DENND2B: variants seen among roughly 807,000 people sequenced by gnomAD.
DENND2B encodes DENN domain containing 2B.
In DENND2B, 32 loss-of-function variants were observed where a neutral mutation model predicts 116.0. The ratio of observed to expected loss-of-function variants is 0.28; its 90% confidence interval spans 0.21 to 0.37. DENND2B has a LOEUF of 0.37. DENND2B is among the 10% of genes least tolerant of loss of function. DENND2B has a pLI of 1.00. For missense variants in DENND2B, 1,276 were observed against 1,477.7 expected (o/e 0.86, Z 2.24); for synonymous variants, 588 against 583.9 (o/e 1.01, Z -0.10).
intron 2 of DENND2B, among the ~76,000 whole-genome samples, chr11:8,867,573 C>CTTTTTTTTTTTTTTTTTTTT (rs33990941): frequency 1.1e-5 from 1 of 89,230 alleles, no homozygotes; most frequent in Admixed American, 1.8e-4. Context: ...TAAAATTCAG[C>CTTTTTTTTTTTTTTTTTTTT]TTTTTTTTTT....
At chr11:8,719,728 A>C (rs1426405835) in intron 4 of DENND2B, among the ~76,000 whole-genome samples, 4 of 152,220 alleles carry the variant, frequency 2.6e-5, no homozygotes, top group African/African-American at 9.6e-5. Flanking sequence ...GGGGGAACTA[A>C]GAAGGGAGAA....
Position 8,846,292 on chromosome 11 carries a change from G to C in DENND2B, c.-155-6942C>G, listed in dbSNP as rs562099627. The stretch of plus-strand genomic sequence containing the variant: ...GAAGAAGGCTGAGTGTGGTATGAAG[G>C]AATAAATACTCAAGAAGCTGGTAAG... On this transcript the variant is annotated intron_variant, in intron 3 of 6. Coordinates refer to the DENND2B transcript ENST00000524757. Among the ~76,000 whole-genome samples the C allele has an allele frequency of 2.0e-5, 3 of 152,188 alleles. No homozygotes were observed. In the South Asian group the frequency reaches 6.2e-4, roughly 32 times the overall value.
chr11:8,879,007 A>G (rs2063874157), intron 2 of DENND2B, among the ~76,000 whole-genome samples: 1 of 152,256 alleles, frequency 6.6e-6, no homozygotes, highest in African/African-American at 2.4e-5. Context: ...ACTGAATTAT[A>G]CACTTTAAAA....
intron 8 of DENND2B, among the ~76,000 whole-genome samples, chr11:8,713,774 A>C (rs2044216240): frequency 6.6e-6 from 1 of 152,216 alleles, no homozygotes; most frequent in South Asian, 2.1e-4. Context: ...TACATTTGGC[A>C]AAGGGAGACA....
rs529731143 is a variant in DENND2B, at chr11:8,730,392, G to C, written c.898C>G (p.Leu300Val). Reference protein sequence around the residue: ...QVLKEQPGRGLPQLPSSCYSV... With the variant: ...QVLKEQPGRGVPQLPSSCYSV... ...TAGCAGCTGCTGGGGAGCTGGGGGA[G>C]CCCCCGGCCCGGCTGCTCCTTCAGG... is the stretch of plus-strand genomic sequence containing the variant. Residue 300 changes from leucine to valine, a missense_variant, in exon 3 of 20, where the codon CTC becomes GTC. Leu to Val is a conservative substitution (Grantham distance 32). Around this residue, in one of 2 missense-constraint regions of DENND2B, gnomAD observed 856 missense variants for 846.6 expected, o/e 1.01. Transcript: ENST00000313726. This position sits in a 1 kb window ranked among gnomAD's most constrained non-coding sequence, Gnocchi z 4.1. The C allele has an allele frequency of 1.9e-6, 3 of 1,605,346 alleles. No homozygotes were observed. Among genetic ancestry groups the C allele is most frequent in the East Asian group, 2.2e-5 (1 of 44,856 alleles).
At chr11:8,908,411 G>C (rs1040373814) in intron 1 of DENND2B, among the ~76,000 whole-genome samples, 2 of 152,180 alleles carry the variant, frequency 1.3e-5, no homozygotes, top group Non-Finnish European at 2.9e-5. Flanking sequence ...CCAGGCTGAA[G>C]CTTAAGATAA....
At chr11:8,722,259 CACAG>C (rs2046317900) in intron 4 of DENND2B, among the ~76,000 whole-genome samples, 1 of 152,226 alleles carries the variant, frequency 6.6e-6, no homozygotes. Flanking sequence ...GTCCACTGTT[CACAG>C]ACAGACATGT....
Position 8,707,555 on chromosome 11 carries a change from C to T in DENND2B, c.2430+222G>A, listed in dbSNP as rs1422210870. Among the ~76,000 whole-genome samples, 1 of 152,246 alleles carries T rather than the reference C, an allele frequency of 6.6e-6. No homozygotes were observed. Among genetic ancestry groups the T allele is most frequent in the Non-Finnish European group, 1.5e-5 (1 of 68,048 alleles). On this transcript the variant is annotated intron_variant, in intron 12 of 19. Transcript: ENST00000313726. The surrounding 1 kb of genome is among the most constrained non-coding windows in gnomAD (Gnocchi z 4.8). Reference sequence around the variant, plus strand: ...GGCCCAGGGTGGGCTGTGACAGGGGCAGACACTGCCAGCACAGGAGCTGGG... The same window carrying T: ...GGCCCAGGGTGGGCTGTGACAGGGGTAGACACTGCCAGCACAGGAGCTGGG...
chr11:8,710,753 GCACACA>G (rs56230708), intron 11 of DENND2B, 86 bp downstream of exon 11: 47,724 of 822,202 alleles, frequency 0.058, 84 homozygotes, highest in East Asian at 0.067. Flanking sequence ...TTGCAGAAGG[GCACACA>G]CACACACACA....
At chr11:8,895,401 A>T (rs80227555) in intron 1 of DENND2B, 11 of 152,170 alleles carry the variant, frequency 7.2e-5, no homozygotes, top group Non-Finnish European at 1.3e-4. Context: ...TATAAAAAAA[A>T]TTTTAAAAAA....
rs140100092 is a variant in DENND2B at position 8,746,381 on chromosome 11, G to A, written c.80+4240C>T. 2.1e-4 allele frequency among the ~76,000 whole-genome samples: 32 copies of A among 152,314 alleles called. 2 individuals are homozygous for A. The East Asian group carries it at 2.7e-3, about 13-fold the overall frequency. ...GCCAATTAGCTGTGTGGGCTTACAG[G>A]TTCCTCATTTGTAATGTAAGTTACT... On this transcript the variant is annotated intron_variant, in intron 2 of 19. Coordinates refer to ENST00000313726, the MANE Select transcript of DENND2B (RefSeq NM_213618.2).
chr11:8,749,249 A>G (rs1157560993), intron 2 of DENND2B, among the ~76,000 whole-genome samples: 1 of 152,174 alleles, frequency 6.6e-6, no homozygotes, highest in Non-Finnish European at 1.5e-5. Flanking sequence ...CATGTTCTGG[A>G]GGAGGTCAGT....
chr11:8,713,594 C>A (rs751760818), intron 8 of DENND2B, among the ~76,000 whole-genome samples: 139 of 152,290 alleles, frequency 9.1e-4, no homozygotes, highest in Middle Eastern at 3.4e-3. Context: ...CTTAGCCAGG[C>A]TGGTCTCGAA....
rs146471139 is a variant in DENND2B at position 8,699,309 on chromosome 11, C to T, written c.2802G>A (p.Pro934=). ...SWQHTFIPVL[P]ASMIDIVCCP... ...AGCAGACGATGTCAATCATGGAGGCCGGGAGGACAGGAATGAAGGTGTGCT... is the reference window on the plus strand; with the variant it reads ...AGCAGACGATGTCAATCATGGAGGCTGGGAGGACAGGAATGAAGGTGTGCT... Residue 934 remains proline, a synonymous_variant, in exon 15 of 20, where the codon CCG becomes CCA. Coordinates refer to ENST00000313726, the MANE Select transcript of DENND2B (RefSeq NM_213618.2). 2.2e-5 allele frequency: 36 copies of T among 1,605,764 alleles called. No homozygotes were observed. Among genetic ancestry groups the T allele is most frequent in the African/African-American group, 5.4e-5 (4 of 74,034 alleles).
In DENND2B at chr11:8,901,912, T is replaced by C. The variant is rs553943583; in HGVS notation, c.-256+8909A>G. ...GTTTTGGAGAATGTTCTGGGAGTAT[T>C]TGACAAGAATGTGTATTGTGCTATT... is the stretch of plus-strand genomic sequence containing the variant. On this transcript the variant is annotated intron_variant, in intron 1 of 22. Transcript: ENST00000534127. Among the ~76,000 whole-genome samples, 106 of 152,340 alleles carry C rather than the reference T, an allele frequency of 7.0e-4. 1 individual carries two copies. The highest frequency in any genetic ancestry group is 1.2e-3 in the Non-Finnish European group (85 of 68,030).
chr11:8,694,084 T>C lies in DENND2B; in HGVS notation c.*12A>G. The C allele has an allele frequency of 6.2e-7, 1 of 1,614,174 alleles. No individual in the cohort carries two copies. Among genetic ancestry groups the C allele is most frequent in the South Asian group, 1.1e-5 (1 of 91,078 alleles). On this transcript the variant is annotated 3_prime_UTR_variant, in exon 20 of 20. Transcript: ENST00000313726. The stretch of plus-strand genomic sequence containing the variant: ...TCTGCAAGGCACTGGACTCTGCTAC[T>C]GAGAAGGAGGCTTAATTCTTCTTGT...
chr11:8,753,123 G>C (rs1186322575), intron 1 of DENND2B, among the ~76,000 whole-genome samples: 1 of 152,144 alleles, frequency 6.6e-6, no homozygotes, highest in Non-Finnish European at 1.5e-5. Flanking sequence ...TGTAATCCCA[G>C]TTACTCAGGA....
intron 14 of DENND2B, among the ~76,000 whole-genome samples, chr11:8,700,379 A>AG (rs35713128): frequency 2.0e-5 from 3 of 152,176 alleles, no homozygotes; most frequent in African/African-American, 7.2e-5. Context: ...GGAACAAGTG[A>AG]GGGGCAGTTT....
At chr11:8,867,742 A>G (rs2063635405) in intron 2 of DENND2B, among the ~76,000 whole-genome samples, 1 of 151,764 alleles carries the variant, frequency 6.6e-6, no homozygotes, top group South Asian at 2.1e-4. Context: ...GCCAACATGC[A>G]TGATTAATTT....
Sources: allele counts gnomAD v4.1 joint callset (sites outside exome capture counted in the v4.1 genomes callset), GRCh38; gene constraint gnomAD v4.1.1; regional missense constraint gnomAD v4.1.1; non-coding constraint Gnocchi (gnomAD v3.1); transcripts MANE v1.5; gene names NCBI Gene and HGNC (gene_info 2026-07-23, HGNC 2026-07-21).